THRB: variants seen among roughly 807,000 people sequenced by gnomAD.
The protein encoded by THRB is thyroid hormone receptor beta, also known as nuclear receptor subfamily 1 group A member 2.
In THRB, 12 loss-of-function variants were observed where a neutral mutation model predicts 47.8. The observed-to-expected ratio is 0.25, with a 90% CI of 0.16 to 0.41. THRB has a LOEUF of 0.41. THRB is among the 10% of genes least tolerant of loss of function. THRB has a pLI of 1.00. For synonymous variants in THRB, 218 were observed against 212.2 expected, an observed-to-expected ratio of 1.03 and a Z score of -0.24; for missense variants, 348 against 589.2, an observed-to-expected ratio of 0.59 and a Z score of 4.24.
chr3:24,255,625 G>T (rs1035415478), intron 3 of THRB, among the ~76,000 whole-genome samples: 1 of 152,172 alleles, frequency 6.6e-6, no homozygotes, highest in African/African-American at 2.4e-5. Flanking sequence ...CCAGGTGGAA[G>T]GAGAGGGAAG....
intron 2 of THRB, among the ~76,000 whole-genome samples, chr3:24,312,886 T>A (rs2057848859): frequency 6.6e-6 from 1 of 152,200 alleles, no homozygotes; most frequent in Non-Finnish European, 1.5e-5. Context: ...GGTTGGAGGA[T>A]GATCCAAAAG....
intron 5 of THRB, chr3:24,165,288 A>G (rs772989673): frequency 3.9e-6 from 3 of 764,956 alleles, no homozygotes; most frequent in Non-Finnish European, 7.2e-6. Flanking sequence ...TAATCAGTGG[A>G]CTGCATGTAG....
At chr3:24,344,707 G>A (rs758861315) in intron 1 of THRB, among the ~76,000 whole-genome samples, 1 of 150,674 alleles carries the variant, frequency 6.6e-6, no homozygotes, top group Non-Finnish European at 1.5e-5. Context: ...ATATATCTCC[G>A]AAACAAAAGT....
At chr3:24,400,296 G>A (rs1293193056) in intron 1 of THRB, among the ~76,000 whole-genome samples, 2 of 152,092 alleles carry the variant, frequency 1.3e-5, no homozygotes, top group South Asian at 2.1e-4. Flanking sequence ...CCTTCAATGT[G>A]AGGGACATTT....
intron 1 of THRB, among the ~76,000 whole-genome samples, chr3:24,421,633 A>G (rs2069272971): frequency 6.6e-6 from 1 of 151,936 alleles, no homozygotes; most frequent in Non-Finnish European, 1.5e-5. Context: ...CAAGGCACCC[A>G]TGCCCAGAGA....
chr3:24,150,275 A>C (rs2036712278), intron 6 of THRB, among the ~76,000 whole-genome samples: 2 of 152,198 alleles, frequency 1.3e-5, no homozygotes, highest in Non-Finnish European at 2.9e-5. Context: ...GGTTTGAATA[A>C]ACGATATAGG....
intron 4 of THRB, among the ~76,000 whole-genome samples, chr3:24,193,527 T>C (rs1404033717): frequency 1.3e-5 from 2 of 152,232 alleles, no homozygotes; most frequent in Non-Finnish European, 2.9e-5. Flanking sequence ...AAATTTTCAT[T>C]ATCATTCAAA....
chr3:24,422,223 A>G (rs935999366), intron 1 of THRB, among the ~76,000 whole-genome samples: 1 of 151,978 alleles, frequency 6.6e-6, no homozygotes, highest in African/African-American at 2.4e-5. Flanking sequence ...AGCCTGTGCT[A>G]TGTTATCACA....
At chr3:24,192,984 T>C (rs907188065) in intron 4 of THRB, among the ~76,000 whole-genome samples, 8 of 152,168 alleles carry the variant, frequency 5.3e-5, no homozygotes, top group African/African-American at 1.9e-4. Context: ...TAAGGAGGAT[T>C]CTTGATTCTG....
At chr3:24,271,770 TC>T (rs1189921896) in intron 3 of THRB, among the ~76,000 whole-genome samples, 2 of 151,938 alleles carry the variant, frequency 1.3e-5, no homozygotes, top group African/African-American at 2.4e-5. Context: ...AGTATTTTTT[TC>T]CTTGAGAAAA....
chr3:24,146,039 G>A (rs373789242), intron 7 of THRB, among the ~76,000 whole-genome samples: 17 of 152,086 alleles, frequency 1.1e-4, no homozygotes, highest in South Asian at 2.1e-4. Context: ...GGCTAATCTC[G>A]CCACCATATG....
At chr3:24,480,999 G>A (rs1223605840) in intron 1 of THRB, among the ~76,000 whole-genome samples, 1 of 152,146 alleles carries the variant, frequency 6.6e-6, no homozygotes, top group African/African-American at 2.4e-5. Flanking sequence ...GTCACCTAAG[G>A]AAGTTATTGC....
intron 5 of THRB, among the ~76,000 whole-genome samples, chr3:24,164,572 C>T (rs2039366277): frequency 6.6e-6 from 1 of 152,124 alleles, no homozygotes; most frequent in South Asian, 2.1e-4. Flanking sequence ...ATCACTAAAT[C>T]ACTAAATATT....
At chr3:24,268,789 TC>T in intron 3 of THRB, among the ~76,000 whole-genome samples, 1 of 152,310 alleles carries the variant, frequency 6.6e-6, no homozygotes, top group South Asian at 2.1e-4. Context: ...CTGCTTTATT[TC>T]TTACATTTTA....
intron 5 of THRB, among the ~76,000 whole-genome samples, chr3:24,179,066 C>T (rs771316961): frequency 6.6e-6 from 1 of 152,042 alleles, no homozygotes; most frequent in Non-Finnish European, 1.5e-5. Flanking sequence ...GGCCTGGATC[C>T]CAGACCGGAA....
intron 4 of THRB, among the ~76,000 whole-genome samples, chr3:24,203,893 G>A (rs1236082499): frequency 1.3e-5 from 2 of 152,252 alleles, no homozygotes; most frequent in African/African-American, 2.4e-5. Context: ...CCACGCCCAC[G>A]GAGCCTTGCT....
chr3:24,426,930 C>A (rs1297849949), intron 1 of THRB, among the ~76,000 whole-genome samples: 1 of 151,942 alleles, frequency 6.6e-6, no homozygotes. Context: ...CTGTCTAGAA[C>A]AACAGGCTTC....
At position 24,492,379 on chromosome 3, in the gene THRB, G is replaced by T. The variant is rs141807575; in HGVS notation, c.-261+2273C>A. 2.0e-3 allele frequency among the ~76,000 whole-genome samples: 300 copies of T among 152,268 alleles called. 4 individuals are homozygous for T. The South Asian group carries it at 0.033, about 17-fold the overall frequency. On this transcript the variant is annotated intron_variant, in intron 1 of 10. Coordinates refer to ENST00000646209, the MANE Select transcript of THRB (RefSeq NM_001354712.2). ...GAAGAACAAAACAAACAAACAAAGA[G>T]AAAAACCAGTGTGATGGGTCTGAAA...
rs777996335 is a variant in THRB, at chr3:24,248,879, A to G, written c.-42-19878T>C. 1.3e-4 allele frequency among the ~76,000 whole-genome samples: 20 copies of G among 152,110 alleles called. 1 individual carries two copies. Among genetic ancestry groups the G allele is most frequent in the Non-Finnish European group, 2.1e-4 (14 of 68,024 alleles). ...TTTCCCAACTCTGAGGGTGACAGCTACTTCTTGCAATTGGGTTCCCTCAGT... is the reference window on the plus strand; with the variant it reads ...TTTCCCAACTCTGAGGGTGACAGCTGCTTCTTGCAATTGGGTTCCCTCAGT... On this transcript the variant is annotated intron_variant, in intron 3 of 10. Transcript: ENST00000646209.
Sources: gnomAD v4.1 joint callset for allele counts (sites outside exome capture counted in the v4.1 genomes callset) on GRCh38, gnomAD v4.1.1 for gene constraint, MANE v1.5 for transcripts, NCBI Gene and HGNC (gene_info 2026-07-23, HGNC 2026-07-21) for gene names.